The following MYO5A variants were observed in gnomAD, a reference collection of about 807,000 sequenced individuals.
MYO5A encodes unconventional myosin-Va.
MYO5A carries 98 observed loss-of-function variants against 249.7 expected under a neutral mutation model. That is an observed-to-expected ratio of 0.39 (90% CI 0.33 to 0.46). The LOEUF (loss-of-function observed/expected upper bound fraction) is 0.46. Among genes scored for constraint, MYO5A ranks in the 20% least tolerant of loss-of-function variants. MYO5A has a pLI of 0.98. For missense variants in MYO5A, 1,696 were observed against 2,308.8 expected, an observed-to-expected ratio of 0.73 and a Z score of 5.44; for synonymous variants, 778 against 810.6, an observed-to-expected ratio of 0.96 and a Z score of 0.68.
At chr15:52,440,092 A>G (rs1171731589) in intron 1 of MYO5A, among the ~76,000 whole-genome samples, 4 of 152,250 alleles carry the variant, frequency 2.6e-5, no homozygotes, top group Admixed American at 2.6e-4. Context: ...GGTAATTTTG[A>G]CAGAGTCTAA....
intron 1 of MYO5A, among the ~76,000 whole-genome samples, chr15:52,479,616 A>C (rs977902317): frequency 6.6e-6 from 1 of 152,242 alleles, no homozygotes; most frequent in African/African-American, 2.4e-5. Flanking sequence ...ATGGAAAGAT[A>C]CTGTTAATTG....
intron 1 of MYO5A, chr15:52,505,130 G>A (rs545647471): frequency 7.2e-6 from 5 of 696,110 alleles, no homozygotes; most frequent in Admixed American, 2.3e-5. Flanking sequence ...CAATCTGTGG[G>A]CCACTTAATT....
chr15:52,517,462 A>G (rs2077518075), intron 1 of MYO5A, among the ~76,000 whole-genome samples: 1 of 152,222 alleles, frequency 6.6e-6, no homozygotes, highest in Non-Finnish European at 1.5e-5. Context: ...AGGTGGGCAG[A>G]TCACCTGAGG....
In MYO5A at chr15:52,410,768, G is replaced by T. The variant is rs143821789; in HGVS notation, c.613-292C>A. ...AATTTTTGTATTTTTAGCAGAGACG[G>T]GGTTTCACCATGTTGGCCAGGCTAG... is the stretch of plus-strand genomic sequence containing the variant. On this transcript the variant is annotated intron_variant, in intron 5 of 41. Transcript: ENST00000399233. 6.1e-3 allele frequency among the ~76,000 whole-genome samples: 927 copies of T among 152,024 alleles called. 8 individuals carry two copies. Among genetic ancestry groups the T allele is most frequent in the African/African-American group, 0.021 (891 of 41,466 alleles).
chr15:52,470,210 G>A (rs573699644), intron 1 of MYO5A, among the ~76,000 whole-genome samples: 1 of 152,180 alleles, frequency 6.6e-6, no homozygotes, highest in Admixed American at 6.5e-5. Context: ...GTGTAATGAA[G>A]CTTAAAGGTT....
At position 52,370,021 on chromosome 15, in the gene MYO5A, T is replaced by C. The variant is rs1596356922; in HGVS notation, c.3066+148A>G. Reference sequence around the variant, plus strand: ...CTCATTGATAATGAGAAATAAATGCTTGGGAAACAGTAATAATGAACAGTA... The same window carrying C: ...CTCATTGATAATGAGAAATAAATGCCTGGGAAACAGTAATAATGAACAGTA... On this transcript the variant is annotated intron_variant, in intron 22 of 41. Transcript: ENST00000399233. The C allele has an allele frequency of 2.8e-6, 3 of 1,066,080 alleles. No individual in the cohort carries two copies. The East Asian group carries it at 7.1e-5, about 25-fold the overall frequency. The allele number at this position is 1,066,080 out of a possible 1,614,324, so 66.0% of individuals were successfully genotyped here.
intron 39 of MYO5A, among the ~76,000 whole-genome samples, chr15:52,318,632 G>C (rs1194733687): frequency 6.6e-6 from 1 of 151,752 alleles, no homozygotes; most frequent in Non-Finnish European, 1.5e-5. Context: ...GGTACAAAAA[G>C]GTATTTTTCC....
At chr15:52,327,544 C>T (rs755522449) in intron 36 of MYO5A, among the ~76,000 whole-genome samples, 2 of 151,992 alleles carry the variant, frequency 1.3e-5, no homozygotes, top group Non-Finnish European at 2.9e-5. Context: ...CCTGTCTCTA[C>T]AAAACATAAA....
intron 15 of MYO5A, among the ~76,000 whole-genome samples, chr15:52,383,743 A>G (rs2041859289): frequency 6.6e-6 from 1 of 152,188 alleles, no homozygotes; most frequent in Non-Finnish European, 1.5e-5. Context: ...CTCAGCCTCC[A>G]TTCAAAGCCC....
rs2039121609 is a variant in MYO5A at position 52,336,453 on chromosome 15, G to A, written c.4408+10C>T. On this transcript the variant is annotated intron_variant, in intron 34 of 41. Coordinates refer to ENST00000399233, the MANE Select transcript of MYO5A (RefSeq NM_001382347.1). ...ACTCAGTGACCGTCTTGAAAAAAAG[G>A]TTTAAATACCTTCTAGTTCGCCAAT... The A allele has an allele frequency of 6.4e-7, 1 of 1,565,574 alleles. No homozygotes were observed. The highest frequency in any genetic ancestry group is 8.8e-7 in the Non-Finnish European group (1 of 1,141,992).
intron 1 of MYO5A, among the ~76,000 whole-genome samples, chr15:52,439,988 G>T (rs1437830666): frequency 6.6e-6 from 1 of 152,264 alleles, no homozygotes; most frequent in Non-Finnish European, 1.5e-5. Context: ...AATAATGCTA[G>T]CACAGATTTA....
At chr15:52,333,474 T>C (rs2038980020) in intron 34 of MYO5A, among the ~76,000 whole-genome samples, 1 of 152,204 alleles carries the variant, frequency 6.6e-6, no homozygotes, top group African/African-American at 2.4e-5. Context: ...GTATGTGTTC[T>C]AGTCCTGCCA....
chr15:52,397,866 G>T (rs1164987349), intron 9 of MYO5A, among the ~76,000 whole-genome samples: 1 of 152,214 alleles, frequency 6.6e-6, no homozygotes, highest in Non-Finnish European at 1.5e-5. Flanking sequence ...GGGGAAATGG[G>T]TATTAATCAA....
At chr15:52,460,874 T>C (rs1477310821) in intron 1 of MYO5A, among the ~76,000 whole-genome samples, 1 of 152,068 alleles carries the variant, frequency 6.6e-6, no homozygotes, top group Admixed American at 6.5e-5. Context: ...AAAATATATA[T>C]GATCATAAAA....
Position 52,370,795 on chromosome 15 carries a change from G to A in MYO5A, c.2818-378C>T, listed in dbSNP as rs148004938. Among the ~76,000 whole-genome samples the A allele has an allele frequency of 1.0e-3, 157 of 152,200 alleles. 1 individual carries two copies. The South Asian group carries it at 0.015, about 15-fold the overall frequency. On this transcript the variant is annotated intron_variant, in intron 21 of 41. Coordinates refer to ENST00000399233, the MANE Select transcript of MYO5A (RefSeq NM_001382347.1). ...AAACCATTTACTAGCTTAGTGATGC[G>A]TACGAATGATTAAAACAGCCTCAAA...
intron 2 of MYO5A, among the ~76,000 whole-genome samples, chr15:52,431,681 A>G (rs1264985841): frequency 3.7e-5 from 1 of 26,858 alleles, no homozygotes; most frequent in Non-Finnish European, 9.3e-5. Flanking sequence ...GAAGTGCTAT[A>G]TCTAAAAAAA....
At chr15:52,370,563 T>C (rs2041052883) in intron 21 of MYO5A, 146 bp from the exon 22 acceptor site, 9 of 797,228 alleles carry the variant, frequency 1.1e-5, no homozygotes, top group African/African-American at 1.7e-5. Context: ...ACATTTGCAA[T>C]AGCACAACCA....
chr15:52,412,725 C>A (rs978286071), intron 5 of MYO5A, among the ~76,000 whole-genome samples: 5 of 152,094 alleles, frequency 3.3e-5, no homozygotes, highest in African/African-American at 1.2e-4. Flanking sequence ...CAGCAAGAAG[C>A]CACTAAAGGA....
chr15:52,360,570 C>A (rs545015745), intron 24 of MYO5A, among the ~76,000 whole-genome samples: 244 of 152,344 alleles, frequency 1.6e-3, no homozygotes, highest in African/African-American at 5.7e-3. Context: ...GCAGCTCTAA[C>A]TTCTGTCACT....
Sources: gnomAD v4.1 joint callset for allele counts (sites outside exome capture counted in the v4.1 genomes callset) on GRCh38, gnomAD v4.1.1 for gene constraint, MANE v1.5 for transcripts, NCBI Gene and HGNC (gene_info 2026-07-23, HGNC 2026-07-21) for gene names.